Variants in DNAH14 observed in about 807,000 individuals in gnomAD.
DNAH14 encodes axonemal beta dynein heavy chain 14.
Under a neutral mutation model 520.9 loss-of-function variants are expected in DNAH14, and 478 were observed. That is an observed-to-expected ratio of 0.92 (90% CI 0.85 to 0.99). The LOEUF is 0.99. Ranked by LOEUF, DNAH14 falls within the 50% of genes least tolerant of loss-of-function variation. The probability of loss-of-function intolerance (pLI) is 0.00; values close to 1 mark genes in which losing one functional copy is unlikely to be tolerated. For synonymous variants in DNAH14, 1,581 were observed against 1,757.2 expected (o/e 0.90, Z 2.51); for missense variants, 4,831 against 5,234.5 (o/e 0.92, Z 2.38).
At chr1:225,302,071 T>G (rs1020371736) in intron 56 of DNAH14, among the ~76,000 whole-genome samples, 1 of 148,720 alleles carries the variant, frequency 6.7e-6, no homozygotes, top group African/African-American at 2.4e-5. Context: ...GAATCTCAGT[T>G]AGAAGTCAAT....
chr1:224,930,789 G>T (rs944961849), intron 1 of DNAH14, among the ~76,000 whole-genome samples: 1 of 152,002 alleles, frequency 6.6e-6, no homozygotes, highest in South Asian at 2.1e-4. Flanking sequence ...TAGTAGAGAC[G>T]GGGCTTCACC....
chr1:225,061,502 G>A (rs2070102590), intron 17 of DNAH14, among the ~76,000 whole-genome samples: 2 of 152,284 alleles, frequency 1.3e-5, no homozygotes, highest in South Asian at 2.1e-4. Flanking sequence ...CTCATGCTCG[G>A]TGCGCAGCAC....
chr1:224,993,450 T>G (rs1234741671), intron 8 of DNAH14, among the ~76,000 whole-genome samples: 1 of 152,006 alleles, frequency 6.6e-6, no homozygotes, highest in Non-Finnish European at 1.5e-5. Context: ...TAGGATTTAT[T>G]TATTTATTCT....
At chr1:225,145,454 G>A in intron 30 of DNAH14, 75 bp downstream of exon 30, 2 of 1,193,278 alleles carry the variant, frequency 1.7e-6, no homozygotes, top group Non-Finnish European at 2.3e-6. Flanking sequence ...AAGAATAAAA[G>A]AACAAGAAAA....
At chr1:225,355,447 A>G (rs539472658) in intron 73 of DNAH14, among the ~76,000 whole-genome samples, 3 of 152,040 alleles carry the variant, frequency 2.0e-5, no homozygotes, top group African/African-American at 4.8e-5. Flanking sequence ...AAATCTCACT[A>G]TGTTGCCCAG....
chr1:225,289,066 A>G (rs2093808820), intron 54 of DNAH14, among the ~76,000 whole-genome samples: 2 of 152,198 alleles, frequency 1.3e-5, no homozygotes, highest in South Asian at 2.1e-4. Flanking sequence ...TCAAATGTTC[A>G]TCAATGGATA....
chr1:225,085,687 T>C lies in DNAH14; in HGVS notation c.3471T>C (p.Ser1157=), dbSNP rs1221397133. ...TTCTTCACCACACAGAGATTTACTC[T>C]ATCTTCATAATTCCATCTATAGATG... is the stretch of plus-strand genomic sequence containing the variant. ...PLILHHTEIY[S]IFIIPSIDDI... is the part of the protein sequence containing the mutation. The change falls in exon 21 of 86, where the codon TCT becomes TCC. Residue 1157 remains serine (S), a synonymous_variant. Coordinates refer to ENST00000682510, the MANE Select transcript of DNAH14 (RefSeq NM_001367479.1). The C allele has an allele frequency of 2.1e-5, 33 of 1,551,302 alleles. No individual in the cohort carries two copies. Among genetic ancestry groups the C allele is most frequent in the Non-Finnish European group, 2.8e-5 (32 of 1,146,804 alleles).
chr1:225,102,160 G>C lies in DNAH14; in HGVS notation c.3867+1276G>C, dbSNP rs533661081. On this transcript the variant is annotated intron_variant, in intron 23 of 85. Coordinates refer to ENST00000682510, the MANE Select transcript of DNAH14 (RefSeq NM_001367479.1). The stretch of plus-strand genomic sequence containing the variant: ...GCGGTGTTTGGTTTTTTCTCCTTGC[G>C]ATAGTTTGCTGAGAATGATGGTTTC... Among the ~76,000 whole-genome samples the C allele has an allele frequency of 4.2e-3, 629 of 150,934 alleles. 4 individuals carry two copies. The highest frequency in any genetic ancestry group is 0.015 in the African/African-American group (598 of 41,124).
chr1:225,165,611 G>A (rs1051289559), intron 35 of DNAH14, among the ~76,000 whole-genome samples: 1 of 151,054 alleles, frequency 6.6e-6, no homozygotes, highest in Non-Finnish European at 1.5e-5. Context: ...TTTGAGACAG[G>A]GTTTCAGTCT....
intron 36 of DNAH14, among the ~76,000 whole-genome samples, chr1:225,172,180 G>A (rs1227354396): frequency 1.3e-5 from 2 of 152,164 alleles, no homozygotes; most frequent in African/African-American, 4.8e-5. Context: ...AAACCTGGAA[G>A]CATTCCCTTT....
intron 23 of DNAH14, among the ~76,000 whole-genome samples, chr1:225,107,768 A>T (rs1438086986): frequency 6.6e-6 from 1 of 152,132 alleles, no homozygotes; most frequent in Admixed American, 6.5e-5. Context: ...AACAGTGTAC[A>T]AGGGTTCCCT....
chr1:224,939,165 ATACTT>A (rs1164069341), intron 1 of DNAH14, among the ~76,000 whole-genome samples: 3 of 152,240 alleles, frequency 2.0e-5, no homozygotes, highest in African/African-American at 7.2e-5. Context: ...TAAAAATACA[ATACTT>A]GACTGACAGT....
At chr1:224,961,965 A>G (rs2060872784) in intron 4 of DNAH14, among the ~76,000 whole-genome samples, 3 of 152,164 alleles carry the variant, frequency 2.0e-5, no homozygotes, top group African/African-American at 4.8e-5. Context: ...TTTAGCTTCT[A>G]TAAATTCATG....
intron 45 of DNAH14, 143 bp from the exon 46 acceptor site, chr1:225,258,978 C>T: frequency 4.8e-6 from 4 of 831,688 alleles, no homozygotes; most frequent in Non-Finnish European, 7.1e-6. Flanking sequence ...CCACTCTTAA[C>T]CACATTTTTT....
At chr1:225,270,969 G>A in intron 50 of DNAH14, 103 bp downstream of exon 50, 1 of 1,218,432 alleles carries the variant, frequency 8.2e-7, no homozygotes, top group Non-Finnish European at 1.1e-6. Flanking sequence ...ATTACTTTAA[G>A]GGGATAGATT....
rs1178201933 is a variant in DNAH14, at chr1:225,265,250, G to A, written c.7291G>A (p.Val2431Ile). Reference protein sequence around the residue: ...KLLKNNDHKGVVVSTINFSTN... With the variant: ...KLLKNNDHKGIVVSTINFSTN... ...ACTTAAAAATAATGATCATAAAGGA[G>A]TTGTAGTCTCTACAATAAATTTTAG... Residue 2431 changes from valine (V) to isoleucine (I), a missense_variant, in exon 48 of 86, where the codon GTT (valine) becomes ATT (isoleucine). Transcript: ENST00000682510. 3.2e-6 allele frequency: 5 copies of A among 1,538,854 alleles called. No homozygotes were observed. The highest frequency in any genetic ancestry group is 4.4e-6 in the Non-Finnish European group (5 of 1,142,342).
rs879274136 is a variant in DNAH14 at position 225,232,274 on chromosome 1, T to TACACACACAC, written c.6518+1124_6518+1125insCACACACACA. ...CATTATATATATAAACTGTGATATA[T>TACACACACAC]ATATATACACACACACACACACACA... On this transcript the variant is annotated intron_variant, in intron 42 of 85. Coordinates refer to ENST00000682510, the MANE Select transcript of DNAH14 (RefSeq NM_001367479.1). The surrounding 1 kb of genome is among the most constrained non-coding windows in gnomAD (Gnocchi z 4.2). Among the ~76,000 whole-genome samples the TACACACACAC allele has an allele frequency of 2.0e-3, 272 of 138,214 alleles. No individual in the cohort carries two copies. Among genetic ancestry groups the TACACACACAC allele is most frequent in the Admixed American group, 3.3e-3 (45 of 13,804 alleles). 90.7% of individuals were successfully genotyped at this position (138,214 alleles called of 152,430 possible).
chr1:225,201,850 A>G (rs940526605), intron 38 of DNAH14, among the ~76,000 whole-genome samples: 4 of 149,576 alleles, frequency 2.7e-5, no homozygotes, highest in South Asian at 4.2e-4. Flanking sequence ...GCCTCCTGCC[A>G]GGAGGTAGCA....
chr1:225,086,097 C>T (rs1049944442), intron 21 of DNAH14, among the ~76,000 whole-genome samples: 9 of 151,222 alleles, frequency 6.0e-5, no homozygotes, highest in Admixed American at 4.0e-4. Flanking sequence ...CACTGAGCAA[C>T]CCCACGTGTG....
Sources: gnomAD v4.1 joint callset for allele counts (sites outside exome capture counted in the v4.1 genomes callset) on GRCh38, gnomAD v4.1.1 for gene constraint, Gnocchi (gnomAD v3.1) non-coding constraint, MANE v1.5 for transcripts, NCBI Gene and HGNC (gene_info 2026-07-23, HGNC 2026-07-21) for gene names.